Variants in RHBDF1 observed in about 807,000 individuals in gnomAD.
The protein encoded by RHBDF1 is inactive rhomboid protein 1.
Under a neutral mutation model 98.6 loss-of-function variants are expected in RHBDF1, and 80 were observed. The ratio of observed to expected loss-of-function variants is 0.81; its 90% CI spans 0.68 to 0.98. The LOEUF (loss-of-function observed/expected upper bound fraction) is 0.98, where lower values mean the gene tolerates loss of function less well. RHBDF1 is among the 50% of genes least tolerant of loss of function. The pLI, the probability that RHBDF1 is intolerant of heterozygous loss-of-function variation, is 0.00. For synonymous variants in RHBDF1, 512 were observed against 486.8 expected (o/e 1.05, Z -0.68); for missense variants, 1,116 against 1,198.3 (o/e 0.93, Z 1.01).
At position 61,231 on chromosome 16, in the gene RHBDF1, G is replaced by A. The variant is rs1363998444; in HGVS notation, c.1446C>T (p.Asp482=). The part of the protein sequence containing the change: ...GAKFSPCMRQ[D]PQVHSFIRSA... ...AGCGAATGAAGCTGTGCACCTGCGG[G>A]TCCTGGCGCATGCAGGGCGAAAACT... The change falls in exon 11 of 18, where the codon GAC becomes GAT. Residue 482 remains aspartate (D), a synonymous_variant. Transcript: ENST00000262316. The A allele has an allele frequency of 2.6e-6, 4 of 1,546,104 alleles. No homozygotes were observed. The highest frequency in any genetic ancestry group is 2.6e-6 in the Non-Finnish European group (3 of 1,145,114).
At chr16:64,631 T>C (rs559224143) in intron 3 of RHBDF1, 68 bp downstream of exon 3, 19 of 1,559,086 alleles carry the variant, frequency 1.2e-5, no homozygotes, top group Middle Eastern at 3.5e-4. Flanking sequence ...TTCCATCCTC[T>C]GTGTACCTGC....
At chr16:62,319 G>T (rs1051682881) in intron 7 of RHBDF1, 9 of 745,546 alleles carry the variant, frequency 1.2e-5, no homozygotes, top group Non-Finnish European at 1.9e-5. Context: ...CCAGCCCCTG[G>T]GTTCTAAGAT....
At chr16:73,317 G>A (rs896225560), upstream of RHBDF1, among the ~76,000 whole-genome samples, 2 of 151,832 alleles carry the variant, frequency 1.3e-5, no homozygotes, top group African/African-American at 4.8e-5. Flanking sequence ...ACCCCCAGAA[G>A]CCCCGCTCCA....
Position 65,020 on chromosome 16 carries a change from C to T in RHBDF1, c.-5G>A. 6.6e-7 allele frequency: 1 copy of T among 1,510,760 alleles called. No homozygotes were observed. Among genetic ancestry groups the T allele is most frequent in the Non-Finnish European group, 8.8e-7 (1 of 1,130,444 alleles). The allele number at this position is 1,510,760 out of a possible 1,614,324, so 93.6% of individuals were successfully genotyped here. The stretch of plus-strand genomic sequence containing the variant: ...GTCCCTGCGGGCCTCACTCATGGTT[C>T]CTGGCAGAGCAAGGCAGGCCTGCGG... On this transcript the variant is annotated 5_prime_UTR_variant, in exon 2 of 18. Transcript: ENST00000262316.
chr16:75,605 G>A (rs1185888604), upstream of RHBDF1, among the ~76,000 whole-genome samples: 2 of 152,194 alleles, frequency 1.3e-5, no homozygotes, highest in African/African-American at 4.8e-5. Flanking sequence ...CCAGGGTTTG[G>A]CAAGGGGTTC....
intron 8 of RHBDF1, 50 bp downstream of exon 8, chr16:61,748 C>T: frequency 6.2e-7 from 1 of 1,612,206 alleles, no homozygotes. Flanking sequence ...GAGCCCCCAC[C>T]CTCCCCCGGG....
intron 1 of RHBDF1, among the ~76,000 whole-genome samples, chr16:66,419 A>G (rs1210749416): frequency 6.6e-6 from 1 of 152,154 alleles, no homozygotes; most frequent in African/African-American, 2.4e-5. Flanking sequence ...AATTAGAGAC[A>G]GCCCAGGGTG....
upstream of RHBDF1, chr16:73,983 C>T (rs1205816084): frequency 2.0e-6 from 2 of 983,276 alleles, no homozygotes; most frequent in Admixed American, 6.1e-5. Context: ...CGGGATAGGG[C>T]GGTGCCTGCA....
At chr16:61,481 T>A in intron 9 of RHBDF1, 22 bp from the exon 10 acceptor site, 1 of 1,612,198 alleles carries the variant, frequency 6.2e-7, no homozygotes, top group Non-Finnish European at 8.5e-7. Flanking sequence ...GGGAGCGGGA[T>A]CAGACGGGCC....
upstream of RHBDF1, among the ~76,000 whole-genome samples, chr16:72,976 T>C (rs1898018476): frequency 1.3e-5 from 2 of 152,060 alleles, no homozygotes; most frequent in Admixed American, 6.6e-5. Context: ...GGGCGGAGGA[T>C]GGGTGTGTAT....
chr16:60,199 C>T lies in RHBDF1; in HGVS notation c.1722+17G>A. 1 of 1,613,946 alleles carries T rather than the reference C, an allele frequency of 6.2e-7. No individual in the cohort carries two copies. The highest frequency in any genetic ancestry group is 1.1e-5 in the South Asian group (1 of 91,066). On this transcript the variant is annotated intron_variant, in intron 13 of 17. Transcript: ENST00000262316. ...TGACACGGAGGGCTCCCTAACAACC[C>T]CCCCACTGCAGCTCACCGGCCACTT... is the stretch of plus-strand genomic sequence containing the variant.
chr16:66,362 G>A (rs1897830120), intron 1 of RHBDF1, among the ~76,000 whole-genome samples: 1 of 152,182 alleles, frequency 6.6e-6, no homozygotes, highest in Non-Finnish European at 1.5e-5. Flanking sequence ...ACTGAGGCCA[G>A]GAAACACAGG....
chr16:59,621 C>G (rs1442665767), intron 14 of RHBDF1, 111 bp downstream of exon 14: 1 of 1,490,894 alleles, frequency 6.7e-7, no homozygotes, highest in African/African-American at 1.4e-5. Flanking sequence ...CCCTCTAACC[C>G]CACATCCTTG....
At position 59,007 on chromosome 16, in the gene RHBDF1, C is replaced by G. The variant is rs1897494572; in HGVS notation, c.2115G>C (p.Leu705=). ...GGTATGGCAGGAAGATGGCACTGGC[C>G]AGGTTGCCGGTGACACCACTCAGCA... The part of the protein sequence containing the change: ...IYLLSGVTGN[L]ASAIFLPYRA... The change falls in exon 17 of 18, where the codon CTG becomes CTC. Residue 705 remains leucine (L), a synonymous_variant. Coordinates refer to ENST00000262316, the MANE Select transcript of RHBDF1 (RefSeq NM_022450.5). The G allele has an allele frequency of 6.2e-7, 1 of 1,613,228 alleles. No homozygotes were observed. The highest frequency in any genetic ancestry group is 8.5e-7 in the Non-Finnish European group (1 of 1,180,006).
In RHBDF1 at chr16:72,580, G is replaced by GC; in HGVS notation, c.-93_-92insG. On this transcript the variant is annotated 5_prime_UTR_variant, in exon 1 of 18. Coordinates refer to ENST00000262316, the MANE Select transcript of RHBDF1 (RefSeq NM_022450.5). ...AGGAGGCTGCCGCCGCTGGCCGGGA[G>GC]GGCCCGCGCCGAGTCCCCGCCCGCC... 1.2e-6 allele frequency: 1 copy of GC among 830,680 alleles called. No individual in the cohort carries two copies. The highest frequency in any genetic ancestry group is 1.3e-6 in the Non-Finnish European group (1 of 759,606). 51.5% of individuals were successfully genotyped at this position (830,680 alleles called of 1,614,324 possible).
rs762365274 is a variant in RHBDF1, at chr16:59,327, C to T, written c.1916G>A (p.Cys639Tyr). ...CSQVHCMDDV[C>Y]GLLPFLNPEV... ...GGGGTTGAGAAAAGGCAGGAGCCCA[C>T]ACACATCATCCATGCAGTGCACCTG... is the stretch of plus-strand genomic sequence containing the variant. Residue 639 changes from cysteine to tyrosine, a missense_variant, in exon 16 of 18, where the codon TGT becomes TAT. By Grantham distance (194) the Cys-to-Tyr change is radical (BLOSUM62 -2). Coordinates refer to ENST00000262316, the MANE Select transcript of RHBDF1 (RefSeq NM_022450.5). 2 of 1,612,300 alleles carry T rather than the reference C, an allele frequency of 1.2e-6. No individual in the cohort carries two copies. Among genetic ancestry groups the T allele is most frequent in the Non-Finnish European group, 1.7e-6 (2 of 1,179,018 alleles).
chr16:75,015 G>C (rs911387782), upstream of RHBDF1: 1 of 152,404 alleles, frequency 6.6e-6, no homozygotes, highest in African/African-American at 2.4e-5. Flanking sequence ...CTCTTCACAC[G>C]GACGCGCACG....
intron 3 of RHBDF1, chr16:64,237 C>T: frequency 2.3e-6 from 3 of 1,331,982 alleles, no homozygotes; most frequent in Non-Finnish European, 3.0e-6. Context: ...CCGTTAGGAG[C>T]CCCAGGGAAT....
At chr16:64,200 T>C (rs1897756361) in intron 3 of RHBDF1, 1 of 1,276,182 alleles carries the variant, frequency 7.8e-7, no homozygotes, top group African/African-American at 1.5e-5. Context: ...CACTTGGACA[T>C]GCAAACAAAA....
Sources: gnomAD v4.1 joint callset for allele counts (sites outside exome capture counted in the v4.1 genomes callset) on GRCh38, gnomAD v4.1.1 for gene constraint, MANE v1.5 for transcripts, NCBI Gene and HGNC (gene_info 2026-07-23, HGNC 2026-07-21) for gene names.